The following TLN2 variants were observed in gnomAD, a reference collection of about 807,000 sequenced individuals.
TLN2 encodes the protein talin 2.
Under a neutral mutation model 294.7 loss-of-function variants are expected in TLN2, and 118 were observed. The observed-to-expected ratio is 0.40, with a 90% confidence interval of 0.34 to 0.47. TLN2 has a LOEUF of 0.47. TLN2 is among the 20% of genes least tolerant of loss of function. TLN2 has a pLI of 0.84. For synonymous variants in TLN2, 1,431 were observed against 1,304.5 expected, an observed-to-expected ratio of 1.10 and a Z score of -2.09; for missense variants, 3,083 against 3,282.2, an observed-to-expected ratio of 0.94 and a Z score of 1.48.
chr15:62,777,530 C>CAAAAAAA (rs5813171), intron 43 of TLN2, among the ~76,000 whole-genome samples: 1 of 135,490 alleles, frequency 7.4e-6, no homozygotes. Flanking sequence ...GCGAAACTCT[C>CAAAAAAA]AAAAAAAAAA....
chr15:62,474,109 C>G (rs1373907073), intron 1 of TLN2, among the ~76,000 whole-genome samples: 4 of 152,136 alleles, frequency 2.6e-5, no homozygotes, highest in Non-Finnish European at 5.9e-5. Flanking sequence ...CAAAACAAAA[C>G]AGAACAAACA....
At chr15:62,494,804 A>C (rs889511684) in intron 1 of TLN2, among the ~76,000 whole-genome samples, 1 of 152,204 alleles carries the variant, frequency 6.6e-6, no homozygotes, top group South Asian at 2.1e-4. Context: ...CGGTGCTGGA[A>C]AGTGGTTAGG....
At chr15:62,487,452 T>C (rs2038462343) in intron 1 of TLN2, among the ~76,000 whole-genome samples, 1 of 152,182 alleles carries the variant, frequency 6.6e-6, no homozygotes, top group Non-Finnish European at 1.5e-5. Context: ...TGTGAATCAT[T>C]TTACAATTGA....
At chr15:62,504,253 C>T (rs1337492792) in intron 1 of TLN2, among the ~76,000 whole-genome samples, 1 of 152,170 alleles carries the variant, frequency 6.6e-6, no homozygotes, top group African/African-American at 2.4e-5. Flanking sequence ...CCAAATTGAT[C>T]TATAGGTCCA....
intron 44 of TLN2, among the ~76,000 whole-genome samples, chr15:62,781,733 C>T (rs1196174669): frequency 6.6e-6 from 1 of 151,888 alleles, no homozygotes; most frequent in Non-Finnish European, 1.5e-5. Flanking sequence ...CAAAATGAAA[C>T]AGTATGGTTA....
intron 9 of TLN2, among the ~76,000 whole-genome samples, chr15:62,662,546 A>T (rs904537173): frequency 3.7e-4 from 56 of 152,344 alleles, no homozygotes; most frequent in Non-Finnish European, 7.6e-4. Context: ...AGTGCAAATT[A>T]TAACTAAATA....
intron 2 of TLN2, among the ~76,000 whole-genome samples, chr15:62,596,345 A>G (rs1419020839): frequency 2.6e-5 from 4 of 152,096 alleles, no homozygotes; most frequent in East Asian, 1.9e-4. Context: ...ATACGTTAAC[A>G]TATGTTAACT....
intron 1 of TLN2, among the ~76,000 whole-genome samples, chr15:62,545,514 T>TGTGTGTGTGTGTGTG (rs2041944734): frequency 2.1e-5 from 3 of 145,944 alleles, no homozygotes; most frequent in African/African-American, 7.6e-5. Context: ...TTCTTTCTCT[T>TGTGTGTGTGTGTGTG]TGTGTGTGTG....
intron 40 of TLN2, among the ~76,000 whole-genome samples, 160 bp downstream of exon 40, chr15:62,763,855 T>C (rs1204531993): frequency 2.0e-5 from 3 of 152,088 alleles, no homozygotes; most frequent in African/African-American, 2.4e-5. Flanking sequence ...TGGGAACTTT[T>C]TGGAGAGGGT....
chr15:62,633,484 G>T (rs964014943), intron 3 of TLN2, among the ~76,000 whole-genome samples: 1 of 152,100 alleles, frequency 6.6e-6, no homozygotes, highest in African/African-American at 2.4e-5. Flanking sequence ...TAAAAAATTT[G>T]TGTAGAGACA....
intron 19 of TLN2, among the ~76,000 whole-genome samples, chr15:62,703,303 A>G (rs568082635): frequency 6.6e-6 from 1 of 151,422 alleles, no homozygotes; most frequent in South Asian, 2.1e-4. Context: ...GGGTTTCACT[A>G]TGTTGGTCAG....
intron 1 of TLN2, among the ~76,000 whole-genome samples, chr15:62,496,084 G>C (rs767438392): frequency 2.0e-5 from 3 of 152,204 alleles, no homozygotes; most frequent in Non-Finnish European, 2.9e-5. Context: ...GAAAGGGTCA[G>C]GGTGGATTCT....
At chr15:62,613,153 T>C (rs962709953) in intron 2 of TLN2, among the ~76,000 whole-genome samples, 6 of 152,234 alleles carry the variant, frequency 3.9e-5, no homozygotes, top group African/African-American at 1.2e-4. Flanking sequence ...GGTTCAATTT[T>C]AGTATCTACC....
At chr15:62,467,447 C>CT (rs1037550336) in intron 1 of TLN2, among the ~76,000 whole-genome samples, 6 of 152,156 alleles carry the variant, frequency 3.9e-5, no homozygotes, top group Admixed American at 3.9e-4. Context: ...AATCCCAGCA[C>CT]TTTGGGAGGT....
chr15:62,825,853 T>G lies in TLN2; in HGVS notation c.7002+5243T>G, dbSNP rs867257573. On this transcript the variant is annotated intron_variant, in intron 54 of 58. Coordinates refer to ENST00000636159, the MANE Select transcript of TLN2 (RefSeq NM_015059.3). The stretch of plus-strand genomic sequence containing the variant: ...TAATATATAATATATATAAATATAT[T>G]ATATATATATATATTTATATATATA... 2.6e-4 allele frequency among the ~76,000 whole-genome samples: 18 copies of G among 69,760 alleles called. 1 individual carries two copies. The East Asian group carries it at 4.8e-3, about 19-fold the overall frequency. The allele number at this position is 69,760 out of a possible 152,430, so 45.8% of individuals were successfully genotyped here.
intron 1 of TLN2, among the ~76,000 whole-genome samples, chr15:62,556,031 G>C (rs1036823676): frequency 6.7e-6 from 1 of 148,710 alleles, no homozygotes; most frequent in Admixed American, 6.7e-5. Context: ...ACTTAACGTT[G>C]ACTTAGTTGA....
chr15:62,761,826 G>A lies in TLN2; in HGVS notation c.4779+5G>A. On this transcript the variant is annotated splice_donor_5th_base_variant and intron_variant, in intron 38 of 58. Transcript: ENST00000636159. ...CCTGCCCAGATCAGCTCCGAGGTAGGGAGTGTTTACAGGAACATCATACTA... is the reference window on the plus strand; with the variant it reads ...CCTGCCCAGATCAGCTCCGAGGTAGAGAGTGTTTACAGGAACATCATACTA... 6.2e-7 allele frequency: 1 copy of A among 1,613,986 alleles called. No homozygotes were observed. Among genetic ancestry groups the A allele is most frequent in the Non-Finnish European group, 8.5e-7 (1 of 1,179,950 alleles).
intron 1 of TLN2, among the ~76,000 whole-genome samples, chr15:62,562,421 A>C (rs1005963736): frequency 6.6e-6 from 1 of 152,196 alleles, no homozygotes; most frequent in Middle Eastern, 3.2e-3. Flanking sequence ...GAAGGGCAAG[A>C]TGAAATCATA....
intron 45 of TLN2, among the ~76,000 whole-genome samples, chr15:62,785,954 C>T (rs2064620502): frequency 1.3e-5 from 2 of 152,176 alleles, no homozygotes; most frequent in African/African-American, 4.8e-5. Context: ...TGGTTATTGG[C>T]CCTGCATTTG....
Sources: allele counts gnomAD v4.1 joint callset (sites outside exome capture counted in the v4.1 genomes callset), GRCh38; gene constraint gnomAD v4.1.1; transcripts MANE v1.5; gene names NCBI Gene and HGNC (gene_info 2026-07-23, HGNC 2026-07-21).